The following SPOPL variants were observed in gnomAD, a reference collection of about 807,000 sequenced individuals.
SPOPL encodes the protein speckle type BTB/POZ protein like, also known as speckle-type POZ protein-like.
SPOPL carries 23 observed loss-of-function variants against 53.8 expected under a neutral mutation model. That is an observed-to-expected ratio of 0.43 (90% CI 0.31 to 0.61). SPOPL has a LOEUF of 0.61. SPOPL is among the 20% of genes least tolerant of loss of function. SPOPL has a pLI of 0.12. For missense variants in SPOPL, 442 were observed against 466.9 expected, an observed-to-expected ratio of 0.95 and a Z score of 0.49; for synonymous variants, 164 against 149.7, an observed-to-expected ratio of 1.10 and a Z score of -0.70.
chr2:138,542,010 G>A (rs1191342058), intron 1 of SPOPL, among the ~76,000 whole-genome samples: 1 of 152,172 alleles, frequency 6.6e-6, no homozygotes, highest in Non-Finnish European at 1.5e-5. Context: ...TAGTCATTAA[G>A]GAGCAGGTTG....
At chr2:138,539,606 T>C (rs1273203848) in intron 1 of SPOPL, among the ~76,000 whole-genome samples, 1 of 152,242 alleles carries the variant, frequency 6.6e-6, no homozygotes, top group Middle Eastern at 3.4e-3. Context: ...TGTTTGTTTT[T>C]TTCTTGTAAA....
intron 4 of SPOPL, 132 bp from the exon 5 acceptor site, chr2:138,552,422 C>A: frequency 1.8e-6 from 2 of 1,096,964 alleles, no homozygotes; most frequent in Non-Finnish European, 2.5e-6. Context: ...TTTATAAACA[C>A]AAATATCGGT....
intron 1 of SPOPL, among the ~76,000 whole-genome samples, chr2:138,523,245 A>G (rs1684594847): frequency 6.6e-6 from 1 of 152,136 alleles, no homozygotes; most frequent in African/African-American, 2.4e-5. Context: ...TGTGCAGGGA[A>G]ATTCCCGTTT....
At chr2:138,540,112 T>G (rs1446008335) in intron 1 of SPOPL, among the ~76,000 whole-genome samples, 1 of 152,208 alleles carries the variant, frequency 6.6e-6, no homozygotes, top group African/African-American at 2.4e-5. Context: ...TATATCTCTG[T>G]TTTGTTACCA....
At chr2:138,517,112 A>G (rs1684455446) in intron 1 of SPOPL, among the ~76,000 whole-genome samples, 1 of 152,256 alleles carries the variant, frequency 6.6e-6, no homozygotes. Context: ...TATGGAATTA[A>G]GTACCATAAC....
chr2:138,566,421 C>A (rs1685661430), intron 10 of SPOPL, among the ~76,000 whole-genome samples: 1 of 152,084 alleles, frequency 6.6e-6, no homozygotes, highest in Non-Finnish European at 1.5e-5. Flanking sequence ...TTTGTACCCC[C>A]TTGGAGAAGC....
intron 7 of SPOPL, among the ~76,000 whole-genome samples, chr2:138,559,800 G>C (rs1419756171): frequency 1.3e-5 from 2 of 152,100 alleles, no homozygotes; most frequent in East Asian, 3.8e-4. Flanking sequence ...TCTTTTACTT[G>C]TCATCATGAA....
chr2:138,559,389 G>A lies in SPOPL; in HGVS notation c.714+52G>A, dbSNP rs770660270. On this transcript the variant is annotated intron_variant, in intron 7 of 10. Coordinates refer to ENST00000280098, the MANE Select transcript of SPOPL (RefSeq NM_001001664.3). Reference sequence around the variant, plus strand: ...GAATTTATATAAACGTAAAGTAGTTGGGTGTATGTTTTAAAAGTAATAGTA... The same window carrying A: ...GAATTTATATAAACGTAAAGTAGTTAGGTGTATGTTTTAAAAGTAATAGTA... 39 of 1,517,470 alleles carry A rather than the reference G, an allele frequency of 2.6e-5. No homozygotes were observed. The African/African-American group carries it at 5.2e-4, about 20-fold the overall frequency. 94.0% of individuals were successfully genotyped at this position (1,517,470 alleles called of 1,614,324 possible). A position where few individuals can be genotyped will look rare whatever the true frequency, so the allele number is the denominator to read the frequency against.
chr2:138,559,658 TCC>T (rs1685503302), intron 7 of SPOPL, among the ~76,000 whole-genome samples: 1 of 152,192 alleles, frequency 6.6e-6, no homozygotes, highest in African/African-American at 2.4e-5. Context: ...GTATATATTC[TCC>T]CTTTGTAAGA....
intron 5 of SPOPL, among the ~76,000 whole-genome samples, chr2:138,553,181 T>C (rs554485605): frequency 1.5e-4 from 23 of 152,202 alleles, no homozygotes; most frequent in Admixed American, 9.8e-4. Flanking sequence ...ATTTTTAAGA[T>C]ATGCCCGTGT....
At chr2:138,567,517 T>C (rs902672099) in intron 10 of SPOPL, among the ~76,000 whole-genome samples, 25 of 151,610 alleles carry the variant, frequency 1.6e-4, no homozygotes, top group African/African-American at 5.8e-4. Flanking sequence ...AAAATAACAT[T>C]AGAATTTTTA....
intron 1 of SPOPL, among the ~76,000 whole-genome samples, chr2:138,549,844 T>C (rs889892476): frequency 1.3e-5 from 2 of 152,156 alleles, no homozygotes; most frequent in African/African-American, 4.8e-5. Flanking sequence ...GATGTCATTA[T>C]GTTTCCATGA....
chr2:138,553,734 A>T (rs542564713), intron 5 of SPOPL, among the ~76,000 whole-genome samples: 2 of 152,266 alleles, frequency 1.3e-5, no homozygotes, highest in African/African-American at 4.8e-5. Context: ...GAACTGTATG[A>T]TGAATTTATT....
Position 138,564,988 on chromosome 2 carries a change from C to G in SPOPL, c.1029C>G (p.Asn343Lys), listed in dbSNP as rs777357828. 6.2e-7 allele frequency: 1 copy of G among 1,613,960 alleles called. No homozygotes were observed. Among genetic ancestry groups the G allele is most frequent in the Admixed American group, 1.7e-5 (1 of 60,008 alleles). ...QLGCKDGKNW[N>K]SNQATDIMET... ...GGTGTAAAGATGGGAAAAACTGGAA[C>G]AGCAAGTAAGATGACATCAGTTTCT... The change falls in exon 10 of 11, where the codon AAC (asparagine) becomes AAG (lysine). Residue 343 changes from asparagine (N) to lysine (K), a missense_variant. By Grantham distance (94) the Asn-to-Lys change is moderately conservative (BLOSUM62 0). Coordinates refer to ENST00000280098, the MANE Select transcript of SPOPL (RefSeq NM_001001664.3).
At chr2:138,507,454 C>T (rs1043902777) in intron 1 of SPOPL, among the ~76,000 whole-genome samples, 3 of 152,158 alleles carry the variant, frequency 2.0e-5, no homozygotes, top group Non-Finnish European at 2.9e-5. Flanking sequence ...TTAGTGCTGT[C>T]GTGGCAGTTT....
chr2:138,543,687 C>T (rs1353339754), intron 1 of SPOPL, among the ~76,000 whole-genome samples: 6 of 152,022 alleles, frequency 3.9e-5, no homozygotes, highest in Non-Finnish European at 7.4e-5. Flanking sequence ...TGAACTTCCT[C>T]CTTTAGCTTG....
chr2:138,517,725 C>A (rs187199635), intron 1 of SPOPL, among the ~76,000 whole-genome samples: 1 of 136,228 alleles, frequency 7.3e-6, no homozygotes, highest in African/African-American at 2.8e-5. Flanking sequence ...GGTGACAGAG[C>A]GAGACTCCGT....
chr2:138,505,045 T>C (rs1684184800), intron 1 of SPOPL, among the ~76,000 whole-genome samples: 1 of 152,218 alleles, frequency 6.6e-6, no homozygotes, highest in African/African-American at 2.4e-5. Context: ...CATCTATTAC[T>C]CTTTTGCCTC....
At chr2:138,539,433 A>T (rs1462106158) in intron 1 of SPOPL, among the ~76,000 whole-genome samples, 3 of 151,852 alleles carry the variant, frequency 2.0e-5, no homozygotes, top group Non-Finnish European at 2.9e-5. Context: ...CTTTTTAATG[A>T]TCGCCATTCT....
Sources: gnomAD v4.1 joint callset for allele counts (sites outside exome capture counted in the v4.1 genomes callset) on GRCh38, gnomAD v4.1.1 for gene constraint, MANE v1.5 for transcripts, NCBI Gene and HGNC (gene_info 2026-07-23, HGNC 2026-07-21) for gene names.